The following DST variants were observed in gnomAD, a reference collection of about 807,000 sequenced individuals.
DST encodes the protein dystonin, also known as bullous pemphigoid antigen.
Under a neutral mutation model 875.2 loss-of-function variants are expected in DST, and 253 were observed. That is an observed-to-expected ratio of 0.29 (90% CI 0.26 to 0.32). The LOEUF is 0.32. Ranked by LOEUF, DST falls within the 10% of genes least tolerant of loss-of-function variation. The pLI is 1.00. For missense variants in DST, 8,287 were observed against 9,111.6 expected (o/e 0.91, Z 3.68); for synonymous variants, 3,124 against 3,197.1 (o/e 0.98, Z 0.77).
chr6:56,486,988 A>C, intron 87 of DST, 116 bp downstream of exon 87: 1 of 933,262 alleles, frequency 1.1e-6, no homozygotes, highest in African/African-American at 1.6e-5. Context: ...GGACAAGCAG[A>C]AGTTCCTCAG....
intron 78 of DST, among the ~76,000 whole-genome samples, chr6:56,502,686 A>G (rs550181755): frequency 1.4e-4 from 21 of 152,292 alleles, no homozygotes; most frequent in Middle Eastern, 3.4e-3. Flanking sequence ...ATAATTGTAC[A>G]TAAAGTATAT....
At chr6:56,666,046 C>A (rs1331176933) in intron 10 of DST, among the ~76,000 whole-genome samples, 1 of 152,214 alleles carries the variant, frequency 6.6e-6, no homozygotes, top group African/African-American at 2.4e-5. Context: ...ATAAATTACA[C>A]TTATTATAAA....
At chr6:56,724,835 G>A (rs1474057021) in intron 5 of DST, among the ~76,000 whole-genome samples, 1 of 151,996 alleles carries the variant, frequency 6.6e-6, no homozygotes, top group Non-Finnish European at 1.5e-5. Flanking sequence ...CAATATATAG[G>A]CAATATTATG....
At chr6:56,616,579 A>T in intron 36 of DST, 1 of 1,614,180 alleles carries the variant, frequency 6.2e-7, no homozygotes, top group East Asian at 2.2e-5. Flanking sequence ...CTTGCTTGTT[A>T]TTGGGATTAG....
Position 56,606,891 on chromosome 6 carries a change from T to C in DST, c.7737A>G (p.Pro2579=), listed in dbSNP as rs1039960472. 2 of 1,613,282 alleles carry C rather than the reference T, an allele frequency of 1.2e-6. No homozygotes were observed. The highest frequency in any genetic ancestry group is 2.7e-5 in the African/African-American group (2 of 74,860). ...TAGCACTGATGGTTTCATCAAGCAA[T>C]GGTGTAGCACAAGTAAGAGACACAA... ...NAIVSLTCAT[P]LLDETISASD... is the part of the protein sequence containing the mutation. Residue 2579 remains proline (P), a synonymous_variant, in exon 40 of 104, where the codon CCA becomes CCG. Transcript: ENST00000680361.
In DST at chr6:56,458,773, G is replaced by A; in HGVS notation, c.*232C>T. The A allele has an allele frequency of 2.4e-6, 1 of 425,310 alleles. No homozygotes were observed. The highest frequency in any genetic ancestry group is 4.1e-6 in the Non-Finnish European group (1 of 243,880). 26.3% of individuals were successfully genotyped at this position (425,310 alleles called of 1,614,324 possible). ...GCCCGGCACGTTACAGTGCAGAAAT[G>A]TTAGTTCATGTTAAACTTTTCCTCC... On this transcript the variant is annotated 3_prime_UTR_variant, in exon 104 of 104. Coordinates refer to ENST00000680361, the MANE Select transcript of DST (RefSeq NM_001374736.1).
intron 4 of DST, among the ~76,000 whole-genome samples, chr6:56,748,196 T>A (rs1167366853): frequency 1.3e-5 from 2 of 152,190 alleles, no homozygotes; most frequent in Admixed American, 6.5e-5. Context: ...TATATTCCTA[T>A]ATATGGTTTC....
intron 8 of DST, among the ~76,000 whole-genome samples, chr6:56,700,141 T>A (rs2099290319): frequency 6.6e-6 from 1 of 152,094 alleles, no homozygotes; most frequent in South Asian, 2.1e-4. Flanking sequence ...GAACTGTGCA[T>A]TTGAGGGATC....
chr6:56,485,009 A>G, intron 88 of DST: 1 of 283,122 alleles, frequency 3.5e-6, no homozygotes, highest in Non-Finnish European at 6.6e-6. Context: ...TAAAGATAGT[A>G]AAACATTCTT....
intron 3 of DST, among the ~76,000 whole-genome samples, chr6:56,877,037 T>A (rs1479216061): frequency 5.9e-5 from 9 of 152,218 alleles, no homozygotes; most frequent in Admixed American, 5.9e-4. Context: ...TTGACTTGTA[T>A]TTGTATCAAA....
intron 9 of DST, among the ~76,000 whole-genome samples, chr6:56,686,155 C>T (rs148147751): frequency 4.6e-5 from 7 of 152,268 alleles, no homozygotes; most frequent in East Asian, 1.9e-4. Flanking sequence ...TGCAAAAACA[C>T]GGATGCAGCT....
At chr6:56,629,864 A>C (rs2098763579) in intron 31 of DST, among the ~76,000 whole-genome samples, 1 of 152,262 alleles carries the variant, frequency 6.6e-6, no homozygotes, top group African/African-American at 2.4e-5. Flanking sequence ...AAAGAAATAC[A>C]CATAGATGAG....
At chr6:56,494,234 T>C in intron 82 of DST, 54 bp from the exon 83 acceptor site, 1 of 1,503,996 alleles carries the variant, frequency 6.6e-7, no homozygotes, top group Non-Finnish European at 8.9e-7. Flanking sequence ...AATTTAAGAG[T>C]TCTATTTTTC....
chr6:56,498,100 A>G (rs1233607356), intron 80 of DST, 47 bp from the exon 81 acceptor site: 7 of 1,519,586 alleles, frequency 4.6e-6, no homozygotes, highest in Non-Finnish European at 6.3e-6. Flanking sequence ...GTAACATGTT[A>G]ATATCATCTT....
At chr6:56,494,254 A>T in intron 82 of DST, 74 bp from the exon 83 acceptor site, 1 of 1,374,764 alleles carries the variant, frequency 7.3e-7, no homozygotes, top group Non-Finnish European at 9.8e-7. Context: ...CTAGGTCATC[A>T]GTCCCAAGCT....
At chr6:56,947,170 C>T (rs1171016573) in intron 2 of DST, among the ~76,000 whole-genome samples, 1 of 151,962 alleles carries the variant, frequency 6.6e-6, no homozygotes, top group Non-Finnish European at 1.5e-5. Context: ...TTTGTTCTCC[C>T]TGGGTGAAAG....
intron 9 of DST, among the ~76,000 whole-genome samples, chr6:56,680,906 G>C (rs1369097975): frequency 6.6e-6 from 1 of 152,126 alleles, no homozygotes; most frequent in Non-Finnish European, 1.5e-5. Flanking sequence ...AAATGAGCCA[G>C]ACACTGTGCT....
In DST at chr6:56,598,064, G is replaced by C. The variant is rs1457259354; in HGVS notation, c.11929-58C>G. On this transcript the variant is annotated intron_variant, in intron 46 of 103. Coordinates refer to ENST00000680361, the MANE Select transcript of DST (RefSeq NM_001374736.1). ...AACGTGGGCCAAGGCATAGTTTTAA[G>C]ACATTCCAAAAGTAAATACTTAGAA... is the stretch of plus-strand genomic sequence containing the variant. 8 of 1,454,128 alleles carry C rather than the reference G, an allele frequency of 5.5e-6. No individual in the cohort carries two copies. In the African/African-American group the frequency reaches 1.1e-4, roughly 21 times the overall value. The allele number at this position is 1,454,128 out of a possible 1,614,324, so 90.1% of individuals were successfully genotyped here.
chr6:56,720,719 T>G (rs1231282640), intron 5 of DST, among the ~76,000 whole-genome samples: 1 of 152,200 alleles, frequency 6.6e-6, no homozygotes, highest in Non-Finnish European at 1.5e-5. Flanking sequence ...TTTTTCTTAG[T>G]ACAGAACAAA....
Sources: allele counts gnomAD v4.1 joint callset (sites outside exome capture counted in the v4.1 genomes callset), GRCh38; gene constraint gnomAD v4.1.1; transcripts MANE v1.5; gene names NCBI Gene and HGNC (gene_info 2026-07-23, HGNC 2026-07-21).